MTUS2: variants seen among roughly 807,000 people sequenced by gnomAD.
MTUS2 encodes microtubule-associated tumor suppressor candidate 2.
In MTUS2, 40 loss-of-function variants were observed where a neutral mutation model predicts 114.1. The ratio of observed to expected loss-of-function variants is 0.35; its 90% CI spans 0.27 to 0.46. The LOEUF is 0.46. Among genes scored for constraint, MTUS2 ranks in the 20% least tolerant of loss-of-function variants. The pLI, the probability that MTUS2 is intolerant of heterozygous loss-of-function variation, is 1.00. For missense variants in MTUS2, 1,679 were observed against 1,705.4 expected (o/e 0.98, Z 0.27); for synonymous variants, 688 against 672.0 (o/e 1.02, Z -0.37).
At chr13:29,213,965 C>G (rs34933380) in intron 5 of MTUS2, among the ~76,000 whole-genome samples, 12,608 of 151,234 alleles carry the variant, frequency 0.083, 678 homozygotes, top group African/African-American at 0.14. Flanking sequence ...TATTAGCTAT[C>G]TGTCTCTTAT....
chr13:29,420,146 C>CT (rs754976151), intron 8 of MTUS2, among the ~76,000 whole-genome samples: 1 of 152,100 alleles, frequency 6.6e-6, no homozygotes, highest in Non-Finnish European at 1.5e-5. Flanking sequence ...GTTAAGTAAC[C>CT]TACCCAAAAT....
At chr13:28,891,813 G>T (rs554096164) in intron 2 of MTUS2, among the ~76,000 whole-genome samples, 1 of 146,262 alleles carries the variant, frequency 6.8e-6, no homozygotes, top group Admixed American at 7.1e-5. Context: ...GGGAGTCGGA[G>T]GTTGCAGTGA....
intron 5 of MTUS2, among the ~76,000 whole-genome samples, chr13:29,134,488 A>G (rs1891892279): frequency 6.6e-6 from 1 of 152,218 alleles, no homozygotes; most frequent in African/African-American, 2.4e-5. Flanking sequence ...CTATTACTAT[A>G]GAATGATTTC....
At chr13:29,282,786 T>A (rs897374852) in intron 6 of MTUS2, among the ~76,000 whole-genome samples, 12 of 152,224 alleles carry the variant, frequency 7.9e-5, no homozygotes, top group Admixed American at 7.2e-4. Context: ...TTTATAGGTA[T>A]TTTTAAATGA....
intron 5 of MTUS2, among the ~76,000 whole-genome samples, chr13:29,160,991 A>G (rs1425129583): frequency 1.3e-5 from 2 of 152,188 alleles, no homozygotes; most frequent in South Asian, 2.1e-4. Flanking sequence ...TAGTAGTTCA[A>G]AGGGTTATGG....
At chr13:28,954,082 T>G (rs2138186112) in intron 2 of MTUS2, among the ~76,000 whole-genome samples, 1 of 152,354 alleles carries the variant, frequency 6.6e-6, no homozygotes, top group Non-Finnish European at 1.5e-5. Context: ...ATTCTGTTGT[T>G]AAAAGAGTAG....
chr13:28,865,777 G>A (rs772680813), intron 2 of MTUS2, among the ~76,000 whole-genome samples: 1 of 152,092 alleles, frequency 6.6e-6, no homozygotes, highest in South Asian at 2.1e-4. Flanking sequence ...GCCAGCTATC[G>A]GGTTTTCCCT....
chr13:29,176,906 G>T (rs1893797632), intron 5 of MTUS2, among the ~76,000 whole-genome samples: 1 of 151,154 alleles, frequency 6.6e-6, no homozygotes, highest in Non-Finnish European at 1.5e-5. Context: ...CTGAGCTTCT[G>T]CTATGGAGTC....
intron 2 of MTUS2, among the ~76,000 whole-genome samples, chr13:28,917,684 C>T (rs897717674): frequency 2.0e-5 from 3 of 150,910 alleles, no homozygotes; most frequent in East Asian, 1.9e-4. Flanking sequence ...GATTTTATTT[C>T]GTTGTTCTTT....
chr13:29,320,150 C>T (rs1206583790), intron 6 of MTUS2, among the ~76,000 whole-genome samples: 1 of 152,090 alleles, frequency 6.6e-6, no homozygotes, highest in African/African-American at 2.4e-5. Flanking sequence ...CATAAGCATC[C>T]TTGTAAGAGA....
intron 5 of MTUS2, among the ~76,000 whole-genome samples, chr13:29,269,363 G>C (rs541671313): frequency 6.6e-6 from 1 of 152,100 alleles, no homozygotes; most frequent in South Asian, 2.1e-4. Context: ...CAGCTTTATT[G>C]GTTTTACATT....
At chr13:28,984,586 C>A (rs1884496289) in intron 2 of MTUS2, among the ~76,000 whole-genome samples, 1 of 152,112 alleles carries the variant, frequency 6.6e-6, no homozygotes, top group Non-Finnish European at 1.5e-5. Flanking sequence ...TTTGGAAGCC[C>A]CGTTCTGGCA....
At chr13:28,939,207 A>C (rs1468124825) in intron 2 of MTUS2, among the ~76,000 whole-genome samples, 1 of 152,086 alleles carries the variant, frequency 6.6e-6, no homozygotes, top group African/African-American at 2.4e-5. Flanking sequence ...CTTCTGCCCA[A>C]CTGCTGCTCT....
intron 5 of MTUS2, among the ~76,000 whole-genome samples, chr13:29,147,074 T>C (rs1039285257): frequency 3.9e-5 from 6 of 152,168 alleles, no homozygotes; most frequent in African/African-American, 1.4e-4. Flanking sequence ...TAAAAGAAGT[T>C]CAAATAAAGC....
intron 5 of MTUS2, among the ~76,000 whole-genome samples, chr13:29,280,922 A>G (rs982620528): frequency 6.6e-6 from 1 of 152,248 alleles, no homozygotes; most frequent in Non-Finnish European, 1.5e-5. Flanking sequence ...GTTTAGGCCA[A>G]ACAACTTTGC....
chr13:29,490,285 G>A (rs925883080), intron 11 of MTUS2, among the ~76,000 whole-genome samples: 2 of 152,080 alleles, frequency 1.3e-5, no homozygotes, highest in Non-Finnish European at 2.9e-5. Context: ...AAAAGATTTG[G>A]GTCAATGAAA....
intron 8 of MTUS2, among the ~76,000 whole-genome samples, chr13:29,439,659 A>G (rs2138679107): frequency 6.6e-6 from 1 of 152,318 alleles, no homozygotes; most frequent in South Asian, 2.1e-4. Flanking sequence ...ACACTGTACA[A>G]TAATATATGG....
chr13:28,967,557 A>C (rs1415602613), intron 2 of MTUS2, among the ~76,000 whole-genome samples: 1 of 152,208 alleles, frequency 6.6e-6, no homozygotes, highest in African/African-American at 2.4e-5. Context: ...ATTGTCATGG[A>C]AAAGCTTCTA....
chr13:29,254,649 T>A (rs4622360), intron 5 of MTUS2, among the ~76,000 whole-genome samples: 31,649 of 152,206 alleles, frequency 0.21, 5,946 homozygotes, highest in East Asian at 0.52. Flanking sequence ...TTCCAATCCC[T>A]TCTTGGCTTA....
Sources: allele counts gnomAD v4.1 joint callset (sites outside exome capture counted in the v4.1 genomes callset), GRCh38; gene constraint gnomAD v4.1.1; transcripts MANE v1.5; gene names NCBI Gene and HGNC (gene_info 2026-07-23, HGNC 2026-07-21).